The following FRMD6 variants were observed in gnomAD, a reference collection of about 807,000 sequenced individuals.
The protein encoded by FRMD6 is FERM domain containing 6.
Under a neutral mutation model 73.2 loss-of-function variants are expected in FRMD6, and 37 were observed. The observed-to-expected ratio is 0.51, with a 90% CI of 0.39 to 0.66. The LOEUF (loss-of-function observed/expected upper bound fraction) is 0.66, where lower values mean the gene tolerates loss of function less well. Ranked by LOEUF, FRMD6 falls within the 30% of genes least tolerant of loss-of-function variation. The probability of loss-of-function intolerance (pLI) is 0.00; values close to 1 mark genes in which losing one functional copy is unlikely to be tolerated. For synonymous variants in FRMD6, 273 were observed against 282.2 expected, an observed-to-expected ratio of 0.97 and a Z score of 0.33; for missense variants, 714 against 780.5, an observed-to-expected ratio of 0.91 and a Z score of 1.02.
chr14:51,660,329 A>G (rs79175618), intron 1 of FRMD6, among the ~76,000 whole-genome samples: 1,722 of 152,212 alleles, frequency 0.011, 34 homozygotes, highest in African/African-American at 0.039. Flanking sequence ...TTAGGGTCCA[A>G]AATCAAGGAT....
the FRMD6 span, among the ~76,000 whole-genome samples, chr14:51,408,022 A>C: frequency 0.013 from 1,981 of 152,054 alleles, 44 homozygotes; most frequent in African/African-American, 0.045. Context: ...CTTTCTTTTC[A>C]ATCTTTAGTG....
chr14:51,447,612 T>A, the FRMD6 span, among the ~76,000 whole-genome samples: 1 of 151,848 alleles, frequency 6.6e-6, no homozygotes, highest in African/African-American at 2.4e-5. Flanking sequence ...AGCTGAAGAG[T>A]CTGGAAGAAT....
In FRMD6 at chr14:51,537,978, A is replaced by G. The variant is rs564722310; in HGVS notation, c.-209-32370A>G. 8.5e-4 allele frequency among the ~76,000 whole-genome samples: 130 copies of G among 152,270 alleles called. 3 individuals are homozygous for G. In the Middle Eastern group the frequency reaches 0.02, roughly 24 times the overall value. On this transcript the variant is annotated intron_variant, in intron 1 of 14. Transcript: ENST00000356218. ...CTTGTCTTTTTGTTCTCTTGACAGT[A>G]TCTTTCACAGAGCAGAAGTTTTAAT... is the stretch of plus-strand genomic sequence containing the variant.
the FRMD6 span, among the ~76,000 whole-genome samples, chr14:51,482,446 G>C: frequency 6.6e-6 from 1 of 152,206 alleles, no homozygotes; most frequent in Non-Finnish European, 1.5e-5. Context: ...GAGGAGTCTG[G>C]AAGAAGTGCT....
At chr14:51,498,555 G>A (rs938693993) in intron 1 of FRMD6, among the ~76,000 whole-genome samples, 1 of 152,206 alleles carries the variant, frequency 6.6e-6, no homozygotes, top group South Asian at 2.1e-4. Flanking sequence ...GCACGTGGCT[G>A]CCTTCAGCTG....
chr14:51,575,984 C>T (rs572118366), intron 2 of FRMD6: 1 of 152,462 alleles, frequency 6.6e-6, no homozygotes, highest in South Asian at 2.1e-4. Flanking sequence ...AGCCAGGAGC[C>T]AGAATAGAGC....
chr14:51,536,565 C>G (rs1466218108), intron 1 of FRMD6, among the ~76,000 whole-genome samples: 3 of 152,018 alleles, frequency 2.0e-5, no homozygotes, highest in Non-Finnish European at 4.4e-5. Context: ...TTACAGGTGC[C>G]TGCCACCACA....
At chr14:51,452,594 A>G in the FRMD6 span, among the ~76,000 whole-genome samples, 1 of 152,214 alleles carries the variant, frequency 6.6e-6, no homozygotes, top group Non-Finnish European at 1.5e-5. Context: ...TTTGACTTGG[A>G]TAGAGTATAT....
At chr14:51,725,130 T>C (rs1203399145) in intron 12 of FRMD6, among the ~76,000 whole-genome samples, 2 of 152,224 alleles carry the variant, frequency 1.3e-5, no homozygotes, top group Non-Finnish European at 2.9e-5. Context: ...AGTGTATCCA[T>C]GTATAGTCCC....
At chr14:51,436,452 TATTTTGATGAAAA>T in the FRMD6 span, 1 of 573,192 alleles carries the variant, frequency 1.7e-6, no homozygotes, top group African/African-American at 1.9e-5. Context: ...AATAGATTTT[TATTTTGATGAAAA>T]TCCTTACTTT....
chr14:51,598,999 A>T (rs1280440378), intron 2 of FRMD6, among the ~76,000 whole-genome samples: 1 of 149,246 alleles, frequency 6.7e-6, no homozygotes, highest in Non-Finnish European at 1.5e-5. Context: ...GGACTAATTT[A>T]CATTCCCACC....
the FRMD6 span, among the ~76,000 whole-genome samples, chr14:51,423,648 A>G: frequency 0.013 from 1,997 of 152,312 alleles, 45 homozygotes; most frequent in African/African-American, 0.046. Context: ...CCCATGTGCC[A>G]GGACTCTCCG....
Position 51,727,833 on chromosome 14 carries a change from T to G in FRMD6, c.1673T>G (p.Ile558Ser). The change falls in exon 14 of 14, where the codon ATT (isoleucine) becomes AGT (serine). Residue 558 changes from isoleucine (I) to serine (S), a missense_variant. Physicochemically the swap from Ile to Ser is moderately radical, Grantham distance 142 (BLOSUM62 -2). Coordinates refer to ENST00000344768, the MANE Select transcript of FRMD6 (RefSeq NM_001267046.2). ...IRLYQKDFLR[I>S]AGLCQDTAQS... ...CTTTACCAGAAAGACTTCCTGCGCA[T>G]TGCAGGTCTGTGTCAGGACACTGCT... 1 of 1,613,850 alleles carries G rather than the reference T, an allele frequency of 6.2e-7. No individual in the cohort carries two copies. Among genetic ancestry groups the G allele is most frequent in the Non-Finnish European group, 8.5e-7 (1 of 1,179,738 alleles).
At chr14:51,715,533 T>C in intron 10 of FRMD6, 34 bp downstream of exon 10, 1 of 1,534,226 alleles carries the variant, frequency 6.5e-7, no homozygotes, top group Non-Finnish European at 8.8e-7. Flanking sequence ...AAGCAAATTG[T>C]ACCTTTGCCA....
At chr14:51,660,002 G>A (rs1221493293) in intron 1 of FRMD6, among the ~76,000 whole-genome samples, 1 of 152,102 alleles carries the variant, frequency 6.6e-6, no homozygotes, top group Non-Finnish European at 1.5e-5. Flanking sequence ...AGCTAAAAAA[G>A]GTACAGGATC....
chr14:51,624,119 CG>C (rs1156267103), intron 2 of FRMD6, among the ~76,000 whole-genome samples: 3 of 151,672 alleles, frequency 2.0e-5, no homozygotes, highest in South Asian at 4.2e-4. Flanking sequence ...TGGACACACA[CG>C]GGGAACAACA....
intron 1 of FRMD6, among the ~76,000 whole-genome samples, chr14:51,522,687 G>A (rs1326691440): frequency 6.6e-6 from 1 of 152,158 alleles, no homozygotes; most frequent in Non-Finnish European, 1.5e-5. Flanking sequence ...ATTTGAAAAG[G>A]GAATGTTGCA....
intron 1 of FRMD6, among the ~76,000 whole-genome samples, chr14:51,681,877 A>G (rs749603755): frequency 6.6e-6 from 1 of 152,210 alleles, no homozygotes. Flanking sequence ...CAAATTACAT[A>G]TCAACCATGC....
intron 2 of FRMD6, among the ~76,000 whole-genome samples, chr14:51,602,300 G>A (rs1471055708): frequency 6.6e-6 from 1 of 152,156 alleles, no homozygotes; most frequent in Non-Finnish European, 1.5e-5. Flanking sequence ...TCCAGGAGAA[G>A]GGAGGGTTGG....
Sources: allele counts gnomAD v4.1 joint callset (sites outside exome capture counted in the v4.1 genomes callset), GRCh38; gene constraint gnomAD v4.1.1; transcripts MANE v1.5; gene names NCBI Gene and HGNC (gene_info 2026-07-23, HGNC 2026-07-21).